SPATA18: variants seen among roughly 807,000 people sequenced by gnomAD.
SPATA18 encodes the protein mitochondria-eating protein.
SPATA18 carries 54 observed loss-of-function variants against 68.1 expected under a neutral mutation model. The ratio of observed to expected loss-of-function variants is 0.79; its 90% CI spans 0.64 to 0.99. The LOEUF (loss-of-function observed/expected upper bound fraction) is 0.99, where lower values mean the gene tolerates loss of function less well. Ranked by LOEUF, SPATA18 falls within the 50% of genes least tolerant of loss-of-function variation. SPATA18 has a pLI of 0.00. For synonymous variants in SPATA18, 242 were observed against 244.8 expected (o/e 0.99, Z 0.11); for missense variants, 724 against 681.1 (o/e 1.06, Z -0.70).
At chr4:52,055,603 T>C (rs781721223) in intron 1 of SPATA18, among the ~76,000 whole-genome samples, 17 of 152,222 alleles carry the variant, frequency 1.1e-4, no homozygotes, top group Admixed American at 2.6e-4. Flanking sequence ...TAAATTGGTT[T>C]TGTTACCCAC....
chr4:52,084,314 C>T (rs1741231019), intron 10 of SPATA18, among the ~76,000 whole-genome samples: 1 of 152,118 alleles, frequency 6.6e-6, no homozygotes, highest in African/African-American at 2.4e-5. Context: ...CAAGCTTAAA[C>T]CCTAAAACAA....
In SPATA18 at chr4:52,070,501, C is replaced by T. The variant is rs1739714428; in HGVS notation, c.518+585C>T. 3.4e-5 allele frequency among the ~76,000 whole-genome samples: 5 copies of T among 148,494 alleles called. No homozygotes were observed. The South Asian group carries it at 1.1e-3, about 32-fold the overall frequency. ...CATTGATCTTTTAAAGTTATACCTT[C>T]CTGAGGGGAACATCACACTCTGGGG... On this transcript the variant is annotated intron_variant, in intron 5 of 12. Transcript: ENST00000295213.
At chr4:52,077,174 T>G (rs148051807) in intron 7 of SPATA18, 134 bp downstream of exon 7, 10,223 of 949,424 alleles carry the variant, frequency 0.011, 97 homozygotes, top group Non-Finnish European at 0.012. Context: ...TCTCCCCATC[T>G]GTCTCCTTCC....
At chr4:52,079,668 A>C in intron 8 of SPATA18, 76 bp from the exon 9 acceptor site, 1 of 1,518,246 alleles carries the variant, frequency 6.6e-7, no homozygotes, top group Middle Eastern at 1.7e-4. Flanking sequence ...CCTCCCATCA[A>C]TCCTAATATT....
chr4:52,074,333 T>A (rs1578176281), intron 6 of SPATA18, among the ~76,000 whole-genome samples: 1 of 151,890 alleles, frequency 6.6e-6, no homozygotes, highest in Admixed American at 6.6e-5. Flanking sequence ...GGTAATATGG[T>A]GTTGATTGGT....
At chr4:52,069,225 A>G (rs1490819294) in intron 4 of SPATA18, among the ~76,000 whole-genome samples, 1 of 152,206 alleles carries the variant, frequency 6.6e-6, no homozygotes, top group Non-Finnish European at 1.5e-5. Flanking sequence ...TGATTTGTCT[A>G]CCATGAAGAG....
intron 4 of SPATA18, among the ~76,000 whole-genome samples, chr4:52,062,957 G>A (rs1483233295): frequency 6.6e-6 from 1 of 152,158 alleles, no homozygotes; most frequent in Non-Finnish European, 1.5e-5. Flanking sequence ...CATGTTGTGG[G>A]CAGAGCCAGG....
intron 12 of SPATA18, 97 bp downstream of exon 12, chr4:52,094,669 G>T: frequency 2.2e-6 from 3 of 1,384,292 alleles, no homozygotes; most frequent in Non-Finnish European, 3.1e-6. Flanking sequence ...TTGCTTCCTA[G>T]AGAGCATCTT....
intron 1 of SPATA18, among the ~76,000 whole-genome samples, chr4:52,055,637 A>G (rs540722027): frequency 6.6e-6 from 1 of 152,122 alleles, no homozygotes; most frequent in South Asian, 2.1e-4. Context: ...ATCAATCTTC[A>G]TTGCATATAG....
chr4:52,081,401 G>A (rs1026851974), intron 9 of SPATA18, among the ~76,000 whole-genome samples: 2 of 152,186 alleles, frequency 1.3e-5, no homozygotes, highest in Non-Finnish European at 2.9e-5. Context: ...TTGTACATTT[G>A]AAAGCAATTA....
chr4:52,082,466 T>G lies in SPATA18; in HGVS notation c.1435T>G (p.Cys479Gly). Residue 479 changes from cysteine to glycine, a missense_variant, in exon 10 of 13, where the codon TGT becomes GGT. Physicochemically the swap from Cys to Gly is radical, Grantham distance 159. Coordinates refer to ENST00000295213, the MANE Select transcript of SPATA18 (RefSeq NM_145263.4). ...HVWPALMENDCVIMKGEAVTR... is the reference protein window; with the variant it reads ...HVWPALMENDGVIMKGEAVTR... ...GTGGCCTGCTCTCATGGAGAATGACTGTGTCATTATGAAGGGAGAAGCTGT... is the reference window on the plus strand; with the variant it reads ...GTGGCCTGCTCTCATGGAGAATGACGGTGTCATTATGAAGGGAGAAGCTGT... 6.2e-7 allele frequency: 1 copy of G among 1,614,148 alleles called. No homozygotes were observed. The highest frequency in any genetic ancestry group is 8.5e-7 in the Non-Finnish European group (1 of 1,179,998).
intron 1 of SPATA18, among the ~76,000 whole-genome samples, chr4:52,057,438 T>C (rs1738448830): frequency 1.3e-5 from 2 of 152,196 alleles, no homozygotes; most frequent in Non-Finnish European, 2.9e-5. Flanking sequence ...GTAACATGTC[T>C]TGGGAAGGGG....
At position 52,060,536 on chromosome 4, in the gene SPATA18, C is replaced by A; in HGVS notation, c.193+12C>A. On this transcript the variant is annotated intron_variant, in intron 2 of 12. Transcript: ENST00000295213. ...AGCAGCCCAAGAAGGTGAGAATGGCCTGTAATTTCCCATCCAGTTCTGCTT... is the reference window on the plus strand; with the variant it reads ...AGCAGCCCAAGAAGGTGAGAATGGCATGTAATTTCCCATCCAGTTCTGCTT... 1 of 1,608,050 alleles carries A rather than the reference C, an allele frequency of 6.2e-7. No individual in the cohort carries two copies. Among genetic ancestry groups the A allele is most frequent in the Non-Finnish European group, 8.5e-7 (1 of 1,174,752 alleles).
intron 11 of SPATA18, 27 bp from the exon 12 acceptor site, chr4:52,094,500 T>C: frequency 6.2e-7 from 1 of 1,608,126 alleles, no homozygotes; most frequent in Non-Finnish European, 8.5e-7. Flanking sequence ...TACTATGTAA[T>C]TCACATTATT....
chr4:52,077,876 G>T (rs1174208989), intron 7 of SPATA18, among the ~76,000 whole-genome samples: 3 of 152,104 alleles, frequency 2.0e-5, no homozygotes, highest in African/African-American at 7.2e-5. Flanking sequence ...GTCATACTAA[G>T]ATACTGAGAG....
At chr4:52,091,864 C>G (rs990510565) in intron 11 of SPATA18, among the ~76,000 whole-genome samples, 4 of 152,050 alleles carry the variant, frequency 2.6e-5, no homozygotes, top group Non-Finnish European at 4.4e-5. Flanking sequence ...CTGCTATAAG[C>G]CCCTGACTGG....
intron 4 of SPATA18, among the ~76,000 whole-genome samples, chr4:52,063,045 T>C (rs1739020546): frequency 6.6e-6 from 1 of 152,222 alleles, no homozygotes; most frequent in South Asian, 2.1e-4. Flanking sequence ...TAGACAAATA[T>C]GTATGAAACT....
intron 6 of SPATA18, among the ~76,000 whole-genome samples, chr4:52,073,024 A>G (rs1740001082): frequency 6.6e-6 from 1 of 152,078 alleles, no homozygotes; most frequent in Non-Finnish European, 1.5e-5. Flanking sequence ...TATTCTTTTT[A>G]ACAACCCCCC....
chr4:52,067,964 G>T (rs780665719), intron 4 of SPATA18, among the ~76,000 whole-genome samples: 6 of 152,092 alleles, frequency 3.9e-5, no homozygotes, highest in Non-Finnish European at 7.4e-5. Context: ...TAAATAGAAC[G>T]TCAGCCTGAT....
Sources: allele counts gnomAD v4.1 joint callset (sites outside exome capture counted in the v4.1 genomes callset), GRCh38; gene constraint gnomAD v4.1.1; transcripts MANE v1.5; gene names NCBI Gene and HGNC (gene_info 2026-07-23, HGNC 2026-07-21).